GUCY1A2: variants seen among roughly 807,000 people sequenced by gnomAD.
GUCY1A2 encodes guanylate cyclase soluble subunit alpha-2.
In GUCY1A2, 27 loss-of-function variants were observed where a neutral mutation model predicts 63.5. The ratio of observed to expected loss-of-function variants is 0.43; its 90% confidence interval spans 0.31 to 0.59. The LOEUF (loss-of-function observed/expected upper bound fraction) is 0.59, where lower values mean the gene tolerates loss of function less well. Ranked by LOEUF, GUCY1A2 falls within the 20% of genes least tolerant of loss-of-function variation. The probability of loss-of-function intolerance (pLI) is 0.11; values close to 1 mark genes in which losing one functional copy is unlikely to be tolerated. For missense variants in GUCY1A2, 768 were observed against 913.3 expected (o/e 0.84, Z 2.05); for synonymous variants, 364 against 343.5 (o/e 1.06, Z -0.66).
intron 1 of GUCY1A2, among the ~76,000 whole-genome samples, chr11:107,017,467 G>GT (rs1861839231): frequency 6.6e-6 from 1 of 152,214 alleles, no homozygotes. Flanking sequence ...AGGGGGAACA[G>GT]TGGTGAAGTA....
intron 6 of GUCY1A2, among the ~76,000 whole-genome samples, chr11:106,761,161 T>C (rs1318827950): frequency 6.6e-6 from 1 of 152,210 alleles, no homozygotes; most frequent in East Asian, 1.9e-4. Context: ...GAATTTCACA[T>C]GTTCAGATCC....
chr11:107,010,034 T>C (rs1284289954), intron 1 of GUCY1A2, among the ~76,000 whole-genome samples: 1 of 152,190 alleles, frequency 6.6e-6, no homozygotes, highest in African/African-American at 2.4e-5. Flanking sequence ...CAATGAAGCT[T>C]GAGAGCTACT....
chr11:106,727,292 G>T (rs947188509), intron 6 of GUCY1A2, among the ~76,000 whole-genome samples: 1 of 152,178 alleles, frequency 6.6e-6, no homozygotes. Flanking sequence ...GACAACATGA[G>T]ACCAGATTCA....
At chr11:106,849,920 A>C (rs1859328912) in intron 4 of GUCY1A2, among the ~76,000 whole-genome samples, 1 of 151,778 alleles carries the variant, frequency 6.6e-6, no homozygotes, top group South Asian at 2.1e-4. Flanking sequence ...ACCCATTCAA[A>C]GTATACAATT....
chr11:106,998,278 GGA>G (rs927457923), intron 1 of GUCY1A2, among the ~76,000 whole-genome samples: 7 of 152,098 alleles, frequency 4.6e-5, no homozygotes, highest in African/African-American at 1.7e-4. Context: ...ACTTGGAAAA[GGA>G]GAGAGAGAGG....
intron 4 of GUCY1A2, among the ~76,000 whole-genome samples, chr11:106,925,627 T>C (rs766751068): frequency 7.5e-4 from 114 of 152,372 alleles, no homozygotes; most frequent in Admixed American, 2.9e-3. Context: ...ATATATTGTC[T>C]ACATTATAAT....
chr11:106,845,025 C>T (rs1173842773), intron 4 of GUCY1A2, among the ~76,000 whole-genome samples: 1 of 151,660 alleles, frequency 6.6e-6, no homozygotes, highest in East Asian at 1.9e-4. Flanking sequence ...TTATTTCCTT[C>T]ACCTAAAGTT....
At position 107,018,105 on chromosome 11, in the gene GUCY1A2, CGGCGGCGGA is replaced by C. The variant is rs1165050537; in HGVS notation, c.-59_-51del. On this transcript the variant is annotated 5_prime_UTR_variant, in exon 1 of 8. Transcript: ENST00000526355. ...GAGGCGGTGGCGGCGAGGACGCGAG[CGGCGGCGGA>C]GGCGGCGGTGGCGGGACCGGCAAGC... 1.3e-5 allele frequency: 17 copies of C among 1,280,956 alleles called. No individual in the cohort carries two copies. The highest frequency in any genetic ancestry group is 3.3e-5 in the East Asian group (1 of 29,938). The allele number at this position is 1,280,956 out of a possible 1,614,324, so 79.3% of individuals were successfully genotyped here.
chr11:106,948,850 T>C (rs1434795032), intron 3 of GUCY1A2, among the ~76,000 whole-genome samples: 7 of 152,144 alleles, frequency 4.6e-5, no homozygotes, highest in African/African-American at 1.4e-4. Flanking sequence ...ACAATAAAAT[T>C]AAATCCCATC....
At chr11:106,857,490 T>C (rs1466431201) in intron 4 of GUCY1A2, among the ~76,000 whole-genome samples, 4 of 152,192 alleles carry the variant, frequency 2.6e-5, no homozygotes, top group Non-Finnish European at 4.4e-5. Flanking sequence ...CACAGCTTCA[T>C]ATAAAACCAG....
intron 4 of GUCY1A2, among the ~76,000 whole-genome samples, chr11:106,938,247 T>C (rs1473414655): frequency 2.0e-5 from 3 of 152,172 alleles, no homozygotes; most frequent in Non-Finnish European, 4.4e-5. Context: ...CCCAGCCATC[T>C]TTCTCGAATA....
rs1478753185 is a variant in GUCY1A2 at position 106,693,412 on chromosome 11, GTCTT to G, written c.1992-5660_1992-5657del. The stretch of plus-strand genomic sequence containing the variant: ...TATCATCATCATCATCATCATCGTC[GTCTT>G]TCTATCTCTGGTATTGTGAAAATTA... On this transcript the variant is annotated intron_variant, in intron 7 of 7. Coordinates refer to ENST00000526355, the MANE Select transcript of GUCY1A2 (RefSeq NM_000855.3). 4.6e-5 allele frequency among the ~76,000 whole-genome samples: 7 copies of G among 151,474 alleles called. No homozygotes were observed. The East Asian group carries it at 9.7e-4, about 21-fold the overall frequency.
At chr11:106,812,931 A>G (rs1036156354) in intron 4 of GUCY1A2, among the ~76,000 whole-genome samples, 3 of 152,028 alleles carry the variant, frequency 2.0e-5, no homozygotes, top group African/African-American at 7.2e-5. Flanking sequence ...GGCAGATTCA[A>G]TGGCACCATT....
intron 4 of GUCY1A2, among the ~76,000 whole-genome samples, chr11:106,925,078 GAAGA>G (rs1860503686): frequency 6.6e-6 from 1 of 151,952 alleles, no homozygotes; most frequent in Non-Finnish European, 1.5e-5. Flanking sequence ...GAAAGGGTAG[GAAGA>G]AACTATTATG....
At chr11:106,827,664 C>T in intron 4 of GUCY1A2, 3 of 1,543,632 alleles carry the variant, frequency 1.9e-6, no homozygotes, top group Non-Finnish European at 2.7e-6. Context: ...GTTGGGAAAG[C>T]GTTTTTCTAA....
intron 3 of GUCY1A2, among the ~76,000 whole-genome samples, chr11:106,942,512 A>G (rs1318938283): frequency 6.6e-6 from 1 of 150,830 alleles, no homozygotes; most frequent in Admixed American, 6.7e-5. Context: ...ATTCCTATAA[A>G]CTGACCATAT....
At chr11:106,723,263 C>T (rs1863349964) in intron 6 of GUCY1A2, among the ~76,000 whole-genome samples, 1 of 152,174 alleles carries the variant, frequency 6.6e-6, no homozygotes, top group South Asian at 2.1e-4. Context: ...TGGATAGTTT[C>T]TCACTTTTCA....
rs2119977387 is a variant in GUCY1A2, at chr11:106,940,077, G to T, written c.589C>A (p.Gln197Lys). Residue 197 changes from glutamine to lysine, a missense_variant, in exon 4 of 8, where the codon CAG becomes AAG. This residue lies in a region of GUCY1A2 where 496 missense variants were observed against 486.9 expected (regional missense o/e 1.02). Coordinates refer to ENST00000526355, the MANE Select transcript of GUCY1A2 (RefSeq NM_000855.3). ...GCATCAAAGCCGTTAAAAAAGTCCT[G>T]CAAAGTGCCACCTACAGCTCGAAGG... Reference protein sequence around the residue: ...RVLRAVGGTLQDFFNGFDALL... With the variant: ...RVLRAVGGTLKDFFNGFDALL... The T allele has an allele frequency of 6.2e-7, 1 of 1,613,136 alleles. No homozygotes were observed. The highest frequency in any genetic ancestry group is 8.5e-7 in the Non-Finnish European group (1 of 1,179,102).
intron 4 of GUCY1A2, among the ~76,000 whole-genome samples, chr11:106,847,751 C>T (rs1231011610): frequency 6.6e-6 from 1 of 151,522 alleles, no homozygotes; most frequent in African/African-American, 2.4e-5. Flanking sequence ...TCTTTTTCAA[C>T]ATATGTACTT....
Sources: gnomAD v4.1 joint callset for allele counts (sites outside exome capture counted in the v4.1 genomes callset) on GRCh38, gnomAD v4.1.1 for gene constraint, gnomAD v4.1.1 regional missense constraint, MANE v1.5 for transcripts, NCBI Gene and HGNC (gene_info 2026-07-23, HGNC 2026-07-21) for gene names.